Variants in ANKRD36 observed in about 807,000 individuals in gnomAD.
ANKRD36 encodes the protein ankyrin repeat domain-containing protein 36A.
ANKRD36 carries 179 observed loss-of-function variants against 278.1 expected under a neutral mutation model. The observed-to-expected ratio is 0.64, with a 90% confidence interval of 0.57 to 0.73. The LOEUF (loss-of-function observed/expected upper bound fraction) is 0.73, where lower values mean the gene tolerates loss of function less well. ANKRD36 is among the 30% of genes least tolerant of loss of function. ANKRD36 has a pLI of 0.00. For synonymous variants in ANKRD36, 320 were observed against 641.1 expected (o/e 0.50, Z 7.57); for missense variants, 1,159 against 1,956.7 (o/e 0.59, Z 7.69).
intron 36 of ANKRD36, among the ~76,000 whole-genome samples, 153 bp from the exon 37 acceptor site, chr2:97,192,705 G>A (rs891942993): frequency 6.6e-6 from 1 of 151,646 alleles, no homozygotes. Flanking sequence ...GTGTATTTCT[G>A]TCACGTTCTA....
chr2:97,211,779 G>C, intron 58 of ANKRD36, 38 bp downstream of exon 58: 5 of 1,540,296 alleles, frequency 3.2e-6, no homozygotes, highest in Non-Finnish European at 4.4e-6. Flanking sequence ...TGTTCGGTCA[G>C]GGTAGAAGAG....
chr2:97,149,301 C>G lies in ANKRD36; in HGVS notation c.1041C>G (p.Leu347=). The change falls in exon 12 of 76, where the codon CTC becomes CTG. Residue 347 remains leucine (L), a synonymous_variant. Transcript: ENST00000420699. ...PAVEQCLNRS[L]YRPDAVAQPV... is the part of the protein sequence containing the mutation. Reference sequence around the variant, plus strand: ...ATATCTTTTTGCTCTGTAGGAGTCTCTACAGACCTGATGCTGTTGCACAGC... The same window carrying G: ...ATATCTTTTTGCTCTGTAGGAGTCTGTACAGACCTGATGCTGTTGCACAGC... 1 of 1,534,126 alleles carries G rather than the reference C, an allele frequency of 6.5e-7. No individual in the cohort carries two copies. Among genetic ancestry groups the G allele is most frequent in the Non-Finnish European group, 8.7e-7 (1 of 1,145,388 alleles).
intron 22 of ANKRD36, among the ~76,000 whole-genome samples, chr2:97,175,360 T>C (rs1575349997): frequency 6.6e-6 from 1 of 151,532 alleles, no homozygotes; most frequent in East Asian, 2.0e-4. Flanking sequence ...CTTGGGAGAG[T>C]GTATGTGTCT....
intron 5 of ANKRD36, among the ~76,000 whole-genome samples, chr2:97,126,265 G>T (rs983749377): frequency 2.1e-5 from 3 of 141,118 alleles, no homozygotes; most frequent in Admixed American, 7.4e-5. Flanking sequence ...TAACATCACT[G>T]ATGGAGATGA....
rs543046557 is a variant in ANKRD36 at position 97,212,552 on chromosome 2, G to A, written c.3469+811G>A. On this transcript the variant is annotated intron_variant, in intron 58 of 75. Transcript: ENST00000420699. ...TTGAATGAAACTTCTTTAGAGAATA[G>A]CATGATACTCCAAAGAAGACTTTTT... is the stretch of plus-strand genomic sequence containing the variant. 5.2e-4 allele frequency among the ~76,000 whole-genome samples: 79 copies of A among 152,034 alleles called. 2 individuals are homozygous for A. The South Asian group carries it at 0.016, about 30-fold the overall frequency.
chr2:97,228,991 G>C (rs1233280231), intron 67 of ANKRD36, among the ~76,000 whole-genome samples: 1 of 152,114 alleles, frequency 6.6e-6, no homozygotes, highest in Non-Finnish European at 1.5e-5. Flanking sequence ...ATTGCACTGT[G>C]GTCTGACAGA....
At chr2:97,203,821 T>A (rs2062049144) in intron 48 of ANKRD36, among the ~76,000 whole-genome samples, 1 of 151,814 alleles carries the variant, frequency 6.6e-6, no homozygotes, top group Non-Finnish European at 1.5e-5. Context: ...GACACGGTTT[T>A]ATTTTAGTTT....
At chr2:97,229,972 C>G (rs1338447930) in intron 67 of ANKRD36, among the ~76,000 whole-genome samples, 3 of 152,118 alleles carry the variant, frequency 2.0e-5, no homozygotes, top group Admixed American at 6.5e-5. Context: ...GGCCCCCACT[C>G]TCTTCCGGCT....
At chr2:97,123,062 C>T in intron 4 of ANKRD36, 69 bp downstream of exon 4, 2 of 1,266,936 alleles carry the variant, frequency 1.6e-6, no homozygotes, top group Non-Finnish European at 2.1e-6. Context: ...AGCAGTCCCT[C>T]AAGTCACAAA....
intron 54 of ANKRD36, among the ~76,000 whole-genome samples, chr2:97,208,752 G>T (rs960178413): frequency 6.8e-6 from 1 of 146,490 alleles, no homozygotes; most frequent in Non-Finnish European, 1.5e-5. Flanking sequence ...TTGCTTCCTT[G>T]TTCAAGGAGC....
intron 22 of ANKRD36, among the ~76,000 whole-genome samples, chr2:97,172,167 T>G (rs2052762602): frequency 6.6e-6 from 1 of 151,802 alleles, no homozygotes; most frequent in Non-Finnish European, 1.5e-5. Flanking sequence ...AAAAACCTCT[T>G]ACAACACATG....
chr2:97,180,578 G>A (rs2153541428), intron 24 of ANKRD36, among the ~76,000 whole-genome samples: 1 of 151,634 alleles, frequency 6.6e-6, no homozygotes, highest in African/African-American at 2.4e-5. Flanking sequence ...ATAAACCACA[G>A]TGACTCATTA....
chr2:97,139,528 A>AT, intron 6 of ANKRD36, among the ~76,000 whole-genome samples: 1 of 152,148 alleles, frequency 6.6e-6, no homozygotes, highest in South Asian at 2.1e-4. Flanking sequence ...GTATGATCTA[A>AT]TGATATGCCA....
At chr2:97,129,031 C>T (rs1232015853) in intron 6 of ANKRD36, among the ~76,000 whole-genome samples, 2 of 152,170 alleles carry the variant, frequency 1.3e-5, no homozygotes, top group Admixed American at 6.6e-5. Flanking sequence ...TTCTAGATCC[C>T]TGAGGAATCA....
At chr2:97,209,159 A>C (rs2063677717) in intron 54 of ANKRD36, among the ~76,000 whole-genome samples, 1 of 146,652 alleles carries the variant, frequency 6.8e-6, no homozygotes, top group African/African-American at 2.6e-5. Context: ...CAAGGTGATC[A>C]ATTCAGGACA....
intron 66 of ANKRD36, among the ~76,000 whole-genome samples, chr2:97,220,349 A>G (rs1192439149): frequency 2.6e-4 from 39 of 149,608 alleles, no homozygotes; most frequent in Admixed American, 4.0e-4. Context: ...GTTTCTAACT[A>G]TAGTTTGTAC....
chr2:97,166,300 G>C (rs201714559), intron 20 of ANKRD36, among the ~76,000 whole-genome samples: 8,157 of 81,506 alleles, frequency 0.1, no homozygotes, highest in East Asian at 0.15. Context: ...TGAGTGAATA[G>C]AAACTATGAA....
At chr2:97,191,047 T>C in intron 35 of ANKRD36, 41 bp downstream of exon 35, 1 of 1,602,186 alleles carries the variant, frequency 6.2e-7, no homozygotes, top group African/African-American at 1.3e-5. Context: ...AGTAAATCTA[T>C]AGTCTATGAA....
intron 66 of ANKRD36, 51 bp downstream of exon 66, chr2:97,219,297 T>G: frequency 1.4e-6 from 2 of 1,441,802 alleles, no homozygotes; most frequent in Non-Finnish European, 1.9e-6. Flanking sequence ...ATTAATCTGT[T>G]TGTAATGCTC....
Sources: gnomAD v4.1 joint callset for allele counts (sites outside exome capture counted in the v4.1 genomes callset) on GRCh38, gnomAD v4.1.1 for gene constraint, MANE v1.5 for transcripts, NCBI Gene and HGNC (gene_info 2026-07-23, HGNC 2026-07-21) for gene names.